The following NR3C2 variants were observed in gnomAD, a reference collection of about 807,000 sequenced individuals.
The protein encoded by NR3C2 is mineralocorticoid receptor.
Under a neutral mutation model 86.4 loss-of-function variants are expected in NR3C2, and 15 were observed. The ratio of observed to expected loss-of-function variants is 0.17; its 90% CI spans 0.12 to 0.27. NR3C2 has a LOEUF of 0.27. Among genes scored for constraint, NR3C2 ranks in the 10% least tolerant of loss-of-function variants. The pLI is 1.00. For synonymous variants in NR3C2, 458 were observed against 450.5 expected (o/e 1.02, Z -0.21); for missense variants, 960 against 1,195.6 (o/e 0.80, Z 2.91).
intron 2 of NR3C2, among the ~76,000 whole-genome samples, chr4:148,317,059 C>T (rs1335713156): frequency 1.3e-5 from 2 of 152,184 alleles, no homozygotes; most frequent in Non-Finnish European, 2.9e-5. Flanking sequence ...ACCCAAAGTG[C>T]TGGGATTACA....
rs762105031 is a variant in NR3C2, at chr4:148,435,367, A to C, written c.1494T>G (p.Asp498Glu). The change falls in exon 2 of 9, where the codon GAT becomes GAG. Residue 498 changes from aspartate to glutamate, a missense_variant. Asp to Glu is a conservative substitution (Grantham distance 45). This residue lies in a region of NR3C2 where 680 missense variants were observed against 719.0 expected (regional missense o/e 0.95). Coordinates refer to ENST00000358102, the MANE Select transcript of NR3C2 (RefSeq NM_000901.5). The part of the protein sequence containing the change: ...GFPVGIKQEP[D>E]DGSYYPEASI... ...TGGCCTCTGGGTAATAGCTCCCATC[A>C]TCTGGTTCTTGTTTAATACCCACTG... 1.2e-6 allele frequency: 2 copies of C among 1,614,192 alleles called. No individual in the cohort carries two copies. The highest frequency in any genetic ancestry group is 1.7e-6 in the Non-Finnish European group (2 of 1,180,038).
In NR3C2 at chr4:148,275,434, CT is replaced by C. The variant is rs1183326993; in HGVS notation, c.1758-15318del. On this transcript the variant is annotated intron_variant, in intron 2 of 8. Transcript: ENST00000358102. ...AGTAGATAAGCCAATCTTATCTTAT[CT>C]TTTTTTTTTTTTGAGACAGAGTTTC... Among the ~76,000 whole-genome samples, 165 of 144,632 alleles carry C rather than the reference CT, an allele frequency of 1.1e-3. 1 individual carries two copies. Among genetic ancestry groups the C allele is most frequent in the Admixed American group, 1.2e-3 (18 of 14,480 alleles). 94.9% of individuals were successfully genotyped at this position (144,632 alleles called of 152,430 possible).
chr4:148,202,995 TA>T (rs1376397606), intron 3 of NR3C2, among the ~76,000 whole-genome samples: 1 of 152,238 alleles, frequency 6.6e-6, no homozygotes, highest in African/African-American at 2.4e-5. Flanking sequence ...TGTTTTCCTT[TA>T]AAACCTTATT....
chr4:148,419,686 C>G (rs907271559), intron 2 of NR3C2, among the ~76,000 whole-genome samples: 1 of 152,098 alleles, frequency 6.6e-6, no homozygotes, highest in African/African-American at 2.4e-5. Flanking sequence ...GGAAAACATT[C>G]TGATTACCAT....
intron 3 of NR3C2, among the ~76,000 whole-genome samples, chr4:148,238,866 C>G (rs1276516032): frequency 6.6e-6 from 1 of 152,152 alleles, no homozygotes. Flanking sequence ...ACAGGACACA[C>G]AGGAGTCAAG....
chr4:148,297,641 T>C (rs1742117245), intron 2 of NR3C2, among the ~76,000 whole-genome samples: 1 of 152,150 alleles, frequency 6.6e-6, no homozygotes, highest in African/African-American at 2.4e-5. Flanking sequence ...TTTTACATTA[T>C]GTTTTCTTCA....
rs200216003 is a variant in NR3C2 at position 148,364,859 on chromosome 4, T to C, written c.1757+70245A>G. On this transcript the variant is annotated intron_variant, in intron 2 of 8. Coordinates refer to ENST00000358102, the MANE Select transcript of NR3C2 (RefSeq NM_000901.5). ...ATACTGGCACAAACATAATGAGATA[T>C]ATTGGGGATGGGACCCAAGTCTAAA... Among the ~76,000 whole-genome samples, 17 of 151,480 alleles carry C rather than the reference T, an allele frequency of 1.1e-4. No individual in the cohort carries two copies. In the East Asian group the frequency reaches 3.3e-3, roughly 30 times the overall value.
intron 3 of NR3C2, among the ~76,000 whole-genome samples, chr4:148,203,635 T>A (rs1321308433): frequency 6.6e-6 from 1 of 151,400 alleles, no homozygotes; most frequent in African/African-American, 2.4e-5. Flanking sequence ...GATGGGCGAT[T>A]TCCCTTCCCC....
At chr4:148,272,541 A>ATG (rs1285210103) in intron 2 of NR3C2, among the ~76,000 whole-genome samples, 1 of 152,158 alleles carries the variant, frequency 6.6e-6, no homozygotes, top group Non-Finnish European at 1.5e-5. Flanking sequence ...CTTCAGTGAC[A>ATG]TGTGATAGTC....
chr4:148,440,224 T>C (rs983300594), intron 1 of NR3C2, among the ~76,000 whole-genome samples: 1 of 152,232 alleles, frequency 6.6e-6, no homozygotes, highest in Non-Finnish European at 1.5e-5. Context: ...AATAGCATTA[T>C]TGAAATATTT....
chr4:148,220,254 T>C (rs369182812), intron 3 of NR3C2, among the ~76,000 whole-genome samples: 42 of 152,078 alleles, frequency 2.8e-4, no homozygotes, highest in African/African-American at 8.9e-4. Flanking sequence ...ACCCAGATAA[T>C]GTTTTAATTT....
At chr4:148,346,570 C>A (rs1745003461) in intron 2 of NR3C2, among the ~76,000 whole-genome samples, 1 of 152,014 alleles carries the variant, frequency 6.6e-6, no homozygotes, top group South Asian at 2.1e-4. Flanking sequence ...TACAGGTTCC[C>A]ACTGTGGTAG....
chr4:148,357,853 TA>T (rs369302459), intron 2 of NR3C2, among the ~76,000 whole-genome samples: 8 of 152,094 alleles, frequency 5.3e-5, no homozygotes, highest in Non-Finnish European at 8.8e-5. Context: ...TGAGGAGGGT[TA>T]AAAAAAATGA....
rs1335305519 is a variant in NR3C2 at position 148,081,446 on chromosome 4, C to T, written c.2853G>A (p.Ala951=). Residue 951 remains alanine (A), a synonymous_variant, in exon 9 of 9, where the codon GCG becomes GCA. Coordinates refer to ENST00000358102, the MANE Select transcript of NR3C2 (RefSeq NM_000901.5). ...FCFYTFRESH[A]LKVEFPAMLV... ...GCATTGCGGGGAACTCTACCTTCAGCGCATGGGACTCTCGGAAGGTGTAGA... is the reference window on the plus strand; with the variant it reads ...GCATTGCGGGGAACTCTACCTTCAGTGCATGGGACTCTCGGAAGGTGTAGA... 3.7e-6 allele frequency: 6 copies of T among 1,613,998 alleles called. No homozygotes were observed. The highest frequency in any genetic ancestry group is 4.5e-5 in the East Asian group (2 of 44,878).
chr4:148,430,503 A>T (rs1456060663), intron 2 of NR3C2, among the ~76,000 whole-genome samples: 2 of 152,160 alleles, frequency 1.3e-5, no homozygotes, highest in African/African-American at 4.8e-5. Context: ...TTTTAAAATA[A>T]TTTACAAAAA....
chr4:148,121,469 C>G (rs1732502132), intron 6 of NR3C2, among the ~76,000 whole-genome samples: 2 of 152,212 alleles, frequency 1.3e-5, no homozygotes, highest in African/African-American at 4.8e-5. Context: ...GCTTCCAAAT[C>G]TACCATCCAG....
rs545353126 is a variant in NR3C2 at position 148,410,203 on chromosome 4, A to T, written c.1757+24901T>A. ...CATGTAAATTTCCCATTGTTATGAA[A>T]TGTAAGTTGTAATCAAATGCTATCT... On this transcript the variant is annotated intron_variant, in intron 2 of 8. Coordinates refer to ENST00000358102, the MANE Select transcript of NR3C2 (RefSeq NM_000901.5). 3.7e-4 allele frequency among the ~76,000 whole-genome samples: 57 copies of T among 152,310 alleles called. No homozygotes were observed. In the South Asian group the frequency reaches 0.012, roughly 32 times the overall value.
intron 2 of NR3C2, among the ~76,000 whole-genome samples, chr4:148,350,283 G>A: frequency 6.6e-6 from 1 of 152,126 alleles, no homozygotes; most frequent in Middle Eastern, 3.2e-3. Context: ...AGTCATCTGT[G>A]TACTGACTTT....
rs186815950 is a variant in NR3C2, at chr4:148,105,812, C to T, written c.2799+8292G>A. On this transcript the variant is annotated intron_variant, in intron 8 of 8. Coordinates refer to ENST00000358102, the MANE Select transcript of NR3C2 (RefSeq NM_000901.5). ...TCCCAATAGATGCAGAAAAGGCCTT[C>T]GATAAAATTCAACATCCCTTCATGT... Among the ~76,000 whole-genome samples, 278 of 151,664 alleles carry T rather than the reference C, an allele frequency of 1.8e-3. 1 individual carries two copies. Among genetic ancestry groups the T allele is most frequent in the Middle Eastern group, 0.014 (4 of 294 alleles).
Sources: allele counts gnomAD v4.1 joint callset (sites outside exome capture counted in the v4.1 genomes callset), GRCh38; gene constraint gnomAD v4.1.1; regional missense constraint gnomAD v4.1.1; transcripts MANE v1.5; gene names NCBI Gene and HGNC (gene_info 2026-07-23, HGNC 2026-07-21).